Variants in MYH14 observed in about 807,000 individuals in gnomAD.
MYH14 encodes myosin heavy chain 14, also known as myosin-14.
In MYH14, 123 loss-of-function variants were observed where a neutral mutation model predicts 255.5. The ratio of observed to expected loss-of-function variants is 0.48; its 90% CI spans 0.42 to 0.56. The LOEUF is 0.56. Ranked by LOEUF, MYH14 falls within the 20% of genes least tolerant of loss-of-function variation. The pLI, the probability that MYH14 is intolerant of heterozygous loss-of-function variation, is 0.00. For missense variants in MYH14, 2,423 were observed against 2,802.3 expected (o/e 0.86, Z 3.06); for synonymous variants, 1,095 against 1,161.2 (o/e 0.94, Z 1.16).
At chr19:50,308,325 T>G (rs1221179292) in intron 41 of MYH14, 1 of 152,272 alleles carries the variant, frequency 6.6e-6, no homozygotes, top group African/African-American at 2.4e-5. Flanking sequence ...AGAGTTTAAC[T>G]TCTTCCCTCA....
chr19:50,307,541 A>G (rs2036694569), intron 41 of MYH14, among the ~76,000 whole-genome samples: 1 of 152,102 alleles, frequency 6.6e-6, no homozygotes, highest in Non-Finnish European at 1.5e-5. Context: ...TTACCCTCTT[A>G]TTTATGTGAG....
Position 50,231,923 on chromosome 19 carries a change from C to T in MYH14, c.974-7C>T. The T allele has an allele frequency of 1.2e-6, 2 of 1,613,852 alleles. No homozygotes were observed. The highest frequency in any genetic ancestry group is 1.7e-6 in the Non-Finnish European group (2 of 1,179,856). ...TTTGACCTTGACCCCACTCATTGTC[C>T]CTGCAGCCGACCTCCTCCTCGAGCC... On this transcript the variant is annotated splice_region_variant and splice_polypyrimidine_tract_variant and intron_variant, in intron 9 of 42. Transcript: ENST00000642316.
At chr19:50,284,085 C>CAAAAAAAAAAAAAAAAAAAAA (rs1289256025) in intron 33 of MYH14, among the ~76,000 whole-genome samples, 1 of 116,942 alleles carries the variant, frequency 8.6e-6, no homozygotes, top group African/African-American at 3.9e-5. Flanking sequence ...AAAAACAAAA[C>CAAAAAAAAAAAAAAAAAAAAA]AAAAAACAAA....
intron 39 of MYH14, among the ~76,000 whole-genome samples, chr19:50,297,253 G>T (rs969837522): frequency 1.3e-5 from 2 of 151,940 alleles, no homozygotes; most frequent in Non-Finnish European, 1.5e-5. Context: ...CAAAGTGCTG[G>T]GATTACAGAC....
intron 35 of MYH14, 133 bp from the exon 36 acceptor site, chr19:50,290,754 G>C (rs2036043771): frequency 4.5e-6 from 4 of 882,022 alleles, no homozygotes; most frequent in Non-Finnish European, 5.2e-6. Context: ...ACCAAGTAAA[G>C]AGAGTCAGGG....
intron 15 of MYH14, among the ~76,000 whole-genome samples, chr19:50,251,372 A>G (rs895005125): frequency 1.3e-5 from 2 of 152,040 alleles, no homozygotes; most frequent in East Asian, 3.9e-4. Context: ...GGAAAAACAG[A>G]CTGAGAAACA....
At position 50,309,172 on chromosome 19, in the gene MYH14, G is replaced by A. The variant is rs2036757749; in HGVS notation, c.5955G>A (p.Arg1985=). The change falls in exon 42 of 43, where the codon CGG becomes CGA. Residue 1985 remains arginine (R), a synonymous_variant. Coordinates refer to ENST00000642316, the MANE Select transcript of MYH14 (RefSeq NM_001145809.2). ...GTGAAGTGACCACACTGAGGAACCG[G>A]CTTCGGTATGGTCATCCCACGTACA... ...MNREVTTLRN[R]LRRGPLTFTT... 6.2e-7 allele frequency: 1 copy of A among 1,613,790 alleles called. No homozygotes were observed. Among genetic ancestry groups the A allele is most frequent in the Non-Finnish European group, 8.5e-7 (1 of 1,179,750 alleles).
intron 25 of MYH14, 139 bp from the exon 26 acceptor site, chr19:50,271,710 G>T: frequency 6.9e-7 from 1 of 1,457,166 alleles, no homozygotes; most frequent in East Asian, 2.5e-5. Context: ...GGAGAGGGAG[G>T]TGTAGGGGGA....
intron 39 of MYH14, among the ~76,000 whole-genome samples, chr19:50,297,080 G>A (rs898057584): frequency 2.9e-4 from 44 of 152,016 alleles, no homozygotes; most frequent in Non-Finnish European, 5.7e-4. Context: ...CTGCCTCCCG[G>A]ATTCAAGTGA....
At chr19:50,309,525 T>G in intron 42 of MYH14, 115 bp from the exon 43 acceptor site, 2 of 723,672 alleles carry the variant, frequency 2.8e-6, no homozygotes, top group Non-Finnish European at 4.7e-6. Flanking sequence ...CCTTATTTTG[T>G]TCTCTCTCTT....
intron 1 of MYH14, among the ~76,000 whole-genome samples, chr19:50,210,037 G>T: frequency 7.7e-6 from 1 of 129,130 alleles, no homozygotes; most frequent in East Asian, 2.6e-4. Context: ...TGCCGAGGTT[G>T]CAGTGAGCTG....
At position 50,289,741 on chromosome 19, in the gene MYH14, G is replaced by A. The variant is rs530505028; in HGVS notation, c.4965+93G>A. The A allele has an allele frequency of 4.4e-4, 514 of 1,155,298 alleles. 7 individuals are homozygous for A. The South Asian group carries it at 6.7e-3, about 15-fold the overall frequency. 71.6% of individuals were successfully genotyped at this position (1,155,298 alleles called of 1,614,324 possible). On this transcript the variant is annotated intron_variant, in intron 35 of 42. Transcript: ENST00000642316. ...AAGAAGGGCAGCAAGGGGTCTCCCC[G>A]ACCCACCCACCACTCTGTCTCCTCC...
intron 40 of MYH14, among the ~76,000 whole-genome samples, chr19:50,302,298 A>T (rs965835547): frequency 6.9e-6 from 1 of 144,448 alleles, no homozygotes; most frequent in African/African-American, 2.6e-5. Flanking sequence ...AAAAAAAAAA[A>T]CAGCCAGGCA....
Position 50,301,889 on chromosome 19 carries a change from A to G in MYH14, c.5678+20A>G, listed in dbSNP as rs761330664. The G allele has an allele frequency of 8.6e-5, 137 of 1,588,346 alleles. 1 individual carries two copies. Among genetic ancestry groups the G allele is most frequent in the Non-Finnish European group, 1.1e-4 (129 of 1,164,500 alleles). ...GACCAGGTAGGTGAGAGCGGAGGCC[A>G]CAGGAGAAAGGTGACCTCCACATTC... On this transcript the variant is annotated intron_variant, in intron 40 of 42. Transcript: ENST00000642316.
At chr19:50,239,973 C>T (rs2033825903) in intron 10 of MYH14, among the ~76,000 whole-genome samples, 1 of 152,114 alleles carries the variant, frequency 6.6e-6, no homozygotes, top group African/African-American at 2.4e-5. Flanking sequence ...TATCCAGCAC[C>T]CAGGAGCCCC....
In MYH14 at chr19:50,248,991, A is replaced by G. The variant is rs375383776; in HGVS notation, c.1334A>G (p.Asp445Gly). 2 of 1,613,386 alleles carry G rather than the reference A, an allele frequency of 1.2e-6. No homozygotes were observed. Among genetic ancestry groups the G allele is most frequent in the Non-Finnish European group, 1.7e-6 (2 of 1,179,810 alleles). Residue 445 changes from aspartate to glycine, a missense_variant, in exon 13 of 43, where the codon GAC (aspartate) becomes GGC (glycine). By Grantham distance (94) the Asp-to-Gly change is moderately conservative (BLOSUM62 -1). Coordinates refer to ENST00000642316, the MANE Select transcript of MYH14 (RefSeq NM_001145809.2). ...VQKAQTKEQA[D>G]FALEALAKAT... ...ACCATGAGCCCTGTCCCACAGGCTGACTTCGCGCTGGAGGCCCTGGCCAAG... is the reference window on the plus strand; with the variant it reads ...ACCATGAGCCCTGTCCCACAGGCTGGCTTCGCGCTGGAGGCCCTGGCCAAG...
chr19:50,251,869 C>T (rs1219874300), intron 15 of MYH14, among the ~76,000 whole-genome samples: 5 of 152,154 alleles, frequency 3.3e-5, no homozygotes, highest in Non-Finnish European at 4.4e-5. Flanking sequence ...TGAGCCACCG[C>T]GCCCAGCCCT....
intron 27 of MYH14, among the ~76,000 whole-genome samples, chr19:50,273,392 C>A (rs574069106): frequency 7.2e-5 from 11 of 151,732 alleles, no homozygotes; most frequent in African/African-American, 2.4e-4. Flanking sequence ...TGCCAAGTGG[C>A]CTATGTTAGG....
At chr19:50,300,355 G>T (rs2123475180) in intron 39 of MYH14, among the ~76,000 whole-genome samples, 1 of 152,258 alleles carries the variant, frequency 6.6e-6, no homozygotes, top group Admixed American at 6.5e-5. Context: ...AATGTTCTTG[G>T]TTGAGAATTA....
Sources: allele counts gnomAD v4.1 joint callset (sites outside exome capture counted in the v4.1 genomes callset), GRCh38; gene constraint gnomAD v4.1.1; transcripts MANE v1.5; gene names NCBI Gene and HGNC (gene_info 2026-07-23, HGNC 2026-07-21).